The following C20orf144 variants were observed in gnomAD, a reference collection of about 807,000 sequenced individuals.
The protein encoded by C20orf144 is uncharacterized protein C20orf144.
C20orf144 carries 8 observed loss-of-function variants against 3.8 expected under a neutral mutation model. The observed-to-expected ratio is 2.11, with a 90% CI of 1.24 to 3.80. The LOEUF is 3.80. Ranked by LOEUF, C20orf144 falls within the 30% of genes most tolerant of loss-of-function variation. The pLI is 0.00. For synonymous variants in C20orf144, 126 were observed against 104.1 expected (o/e 1.21, Z -1.28); for missense variants, 289 against 224.5 (o/e 1.29, Z -1.83).
Position 33,663,541 on chromosome 20 carries a change from G to C in C20orf144, c.136G>C (p.Val46Leu). 1 of 1,610,168 alleles carries C rather than the reference G, an allele frequency of 6.2e-7. No individual in the cohort carries two copies. The highest frequency in any genetic ancestry group is 8.5e-7 in the Non-Finnish European group (1 of 1,179,478). The change falls in exon 2 of 2, where the codon GTG becomes CTG. Residue 46 changes from valine (V) to leucine (L), a missense_variant. Physicochemically the swap from Val to Leu is conservative, Grantham distance 32. Coordinates refer to ENST00000375222, the MANE Select transcript of C20orf144 (RefSeq NM_080825.4). ...LTRKKPATRI[V>L]LILPLDKRQP... is the part of the protein sequence containing the mutation. ...CCTGTTCCACCCCCAGACCAGGATCGTGCTGATTCTCCCCCTGGACAAGCG... is the reference window on the plus strand; with the variant it reads ...CCTGTTCCACCCCCAGACCAGGATCCTGCTGATTCTCCCCCTGGACAAGCG...
intron 1 of C20orf144, 181 bp from the exon 2 acceptor site, chr20:33,663,351 C>T (rs1184324630): frequency 4.8e-6 from 3 of 625,808 alleles, no homozygotes; most frequent in Admixed American, 3.5e-5. Context: ...GAAGGGCGGG[C>T]TTCCCCGCGG....
chr20:33,662,538 G>A, intron 1 of C20orf144, 67 bp downstream of exon 1: 1 of 1,514,096 alleles, frequency 6.6e-7, no homozygotes, highest in East Asian at 2.5e-5. Context: ...TGGACAAGTG[G>A]GTGGGAAGGG....
chr20:33,662,468 G>C lies in C20orf144; in HGVS notation c.123G>C (p.Pro41=). The part of the protein sequence containing the change: ...SFLNHLTRKK[P]ATRIVLILPL... The stretch of plus-strand genomic sequence containing the variant: ...TCAACCACCTCACTCGGAAGAAGCC[G>C]GCTGTGAGGGCGGGGGATGGGGAGC... The change falls in exon 1 of 2, where the codon CCG becomes CCC. Residue 41 remains proline, a synonymous_variant. Transcript: ENST00000375222. The C allele has an allele frequency of 1.3e-6, 2 of 1,551,572 alleles. No individual in the cohort carries two copies. Among genetic ancestry groups the C allele is most frequent in the Non-Finnish European group, 1.7e-6 (2 of 1,147,346 alleles).
chr20:33,663,617 G>A lies in C20orf144; in HGVS notation c.212G>A (p.Gly71Glu). Residue 71 changes from glycine (G) to glutamate (E), a missense_variant, in exon 2 of 2, where the codon GGG (glycine) becomes GAG (glutamate). Coordinates refer to ENST00000375222, the MANE Select transcript of C20orf144 (RefSeq NM_080825.4). ...CGGATTGACTACGCGTCCGGCGCTG[G>A]GCTGGGCTCCCCGGCGGCACCCAGA... Reference protein sequence around the residue: ...GQRIDYASGAGLGSPAAPRLR... With the variant: ...GQRIDYASGAELGSPAAPRLR... The A allele has an allele frequency of 1.2e-6, 2 of 1,610,274 alleles. No individual in the cohort carries two copies. Among genetic ancestry groups the A allele is most frequent in the Admixed American group, 1.7e-5 (1 of 59,968 alleles).
At chr20:33,662,665 C>T (rs1601157958) in intron 1 of C20orf144, 194 bp downstream of exon 1, 2 of 635,398 alleles carry the variant, frequency 3.1e-6, no homozygotes, top group African/African-American at 1.8e-5. Flanking sequence ...GGGGTCCTTT[C>T]AAGGTGGCTC....
At position 33,663,657 on chromosome 20, in the gene C20orf144, C is replaced by G. The variant is rs758981545; in HGVS notation, c.252C>G (p.Gly84=). The G allele has an allele frequency of 3.1e-5, 50 of 1,588,502 alleles. No individual in the cohort carries two copies. The highest frequency in any genetic ancestry group is 4.3e-5 in the Non-Finnish European group (50 of 1,173,732). Residue 84 remains glycine (G), a synonymous_variant, in exon 2 of 2, where the codon GGC becomes GGG. Coordinates refer to ENST00000375222, the MANE Select transcript of C20orf144 (RefSeq NM_080825.4). Reference sequence around the variant, plus strand: ...CGGCACCCAGATTGCGCGGAGCGGGCGAAGGTAGCGAGCGCGAGCCGAGGA... The same window carrying G: ...CGGCACCCAGATTGCGCGGAGCGGGGGAAGGTAGCGAGCGCGAGCCGAGGA... ...SPAAPRLRGA[G]EGSEREPRMP... is the part of the protein sequence containing the mutation.
In C20orf144 at chr20:33,663,664, A is replaced by C. The variant is rs1568896306; in HGVS notation, c.259A>C (p.Ser87Arg). ...CAGATTGCGCGGAGCGGGCGAAGGTAGCGAGCGCGAGCCGAGGATGCCGGT... is the reference window on the plus strand; with the variant it reads ...CAGATTGCGCGGAGCGGGCGAAGGTCGCGAGCGCGAGCCGAGGATGCCGGT... Reference protein sequence around the residue: ...APRLRGAGEGSEREPRMPVLL... With the variant: ...APRLRGAGEGREREPRMPVLL... Residue 87 changes from serine (S) to arginine (R), a missense_variant, in exon 2 of 2, where the codon AGC becomes CGC. Transcript: ENST00000375222. The C allele has an allele frequency of 6.3e-7, 1 of 1,574,924 alleles. No individual in the cohort carries two copies. The highest frequency in any genetic ancestry group is 8.6e-7 in the Non-Finnish European group (1 of 1,168,770).
chr20:33,663,406 T>TGACAGGACCCGGGTGGAC (rs11273422), intron 1 of C20orf144, 126 bp from the exon 2 acceptor site: 12 of 1,039,378 alleles, frequency 1.2e-5, no homozygotes, highest in East Asian at 2.8e-5. Context: ...CACGAGAGGA[T>TGACAGGACCCGGGTGGAC]GACAGGACCC....
At position 33,663,689 on chromosome 20, in the gene C20orf144, T is replaced by C. The variant is rs2017559885; in HGVS notation, c.284T>C (p.Val95Ala). 2 of 1,581,098 alleles carry C rather than the reference T, an allele frequency of 1.3e-6. No individual in the cohort carries two copies. The highest frequency in any genetic ancestry group is 1.7e-6 in the Non-Finnish European group (2 of 1,170,006). ...AGCGAGCGCGAGCCGAGGATGCCGGTACTGCTGCTGCTGCGGCGGCAAGAG... is the reference window on the plus strand; with the variant it reads ...AGCGAGCGCGAGCCGAGGATGCCGGCACTGCTGCTGCTGCGGCGGCAAGAG... ...EGSEREPRMP[V>A]LLLLRRQEAR... The change falls in exon 2 of 2, where the codon GTA becomes GCA. Residue 95 changes from valine to alanine, a missense_variant. Physicochemically the swap from Val to Ala is moderately conservative, Grantham distance 64. Coordinates refer to ENST00000375222, the MANE Select transcript of C20orf144 (RefSeq NM_080825.4).
Position 33,662,357 on chromosome 20 carries a change from T to C in C20orf144, c.12T>C (p.Tyr4=), listed in dbSNP as rs759359211. Residue 4 remains tyrosine (Y), a synonymous_variant, in exon 1 of 2, where the codon TAT becomes TAC. Coordinates refer to ENST00000375222, the MANE Select transcript of C20orf144 (RefSeq NM_080825.4). Reference sequence around the variant, plus strand: ...TGACCAGCCCTGCCATGGGAAACTATAGTTCCCACAAAAGGACCAAAGCAC... The same window carrying C: ...TGACCAGCCCTGCCATGGGAAACTACAGTTCCCACAAAAGGACCAAAGCAC... MGN[Y]SSHKRTKAPK... is the part of the protein sequence containing the mutation. 7.7e-6 allele frequency: 12 copies of C among 1,551,250 alleles called. No homozygotes were observed. The South Asian group carries it at 8.3e-5, about 11-fold the overall frequency.
rs1345225118 is a variant in C20orf144, at chr20:33,663,900, G to A, written c.*33G>A. 1 of 1,368,710 alleles carries A rather than the reference G, an allele frequency of 7.3e-7. No homozygotes were observed. Among genetic ancestry groups the A allele is most frequent in the Non-Finnish European group, 9.4e-7 (1 of 1,067,450 alleles). The allele number at this position is 1,368,710 out of a possible 1,614,324, so 84.8% of individuals were successfully genotyped here. On this transcript the variant is annotated 3_prime_UTR_variant, in exon 2 of 2. Coordinates refer to ENST00000375222, the MANE Select transcript of C20orf144 (RefSeq NM_080825.4). ...GCCCGGACCCCGCCCAATAAAGAGT[G>A]CGTGGCAACCCTGGCGCCTGCGAAC...
Position 33,662,555 on chromosome 20 carries a change from G to A in C20orf144, c.126+84G>A. 4 of 1,456,398 alleles carry A rather than the reference G, an allele frequency of 2.7e-6. No individual in the cohort carries two copies. In the African/African-American group the frequency reaches 4.2e-5, roughly 15 times the overall value. 90.2% of individuals were successfully genotyped at this position (1,456,398 alleles called of 1,614,324 possible). On this transcript the variant is annotated intron_variant, in intron 1 of 1. Transcript: ENST00000375222. Reference sequence around the variant, plus strand: ...GACAAGTGGGTGGGAAGGGATGCTGGGAGTCTAGGCCTTGTATGCAGAAGT... The same window carrying A: ...GACAAGTGGGTGGGAAGGGATGCTGAGAGTCTAGGCCTTGTATGCAGAAGT...
rs2017565013 is a variant in C20orf144, at chr20:33,663,734, G to A, written c.329G>A (p.Gly110Asp). ...RRQEARRPEE[G>D]GARAALSWPR... Reference sequence around the variant, plus strand: ...CAAGAGGCGCGGCGGCCGGAAGAGGGCGGGGCCAGGGCAGCTCTGAGCTGG... The same window carrying A: ...CAAGAGGCGCGGCGGCCGGAAGAGGACGGGGCCAGGGCAGCTCTGAGCTGG... The change falls in exon 2 of 2, where the codon GGC becomes GAC. Residue 110 changes from glycine (G) to aspartate (D), a missense_variant. Physicochemically the swap from Gly to Asp is moderately conservative, Grantham distance 94 (BLOSUM62 -1). Coordinates refer to ENST00000375222, the MANE Select transcript of C20orf144 (RefSeq NM_080825.4). The A allele has an allele frequency of 1.3e-6, 2 of 1,530,014 alleles. No individual in the cohort carries two copies. Among genetic ancestry groups the A allele is most frequent in the African/African-American group, 1.4e-5 (1 of 71,912 alleles). 94.8% of individuals were successfully genotyped at this position (1,530,014 alleles called of 1,614,324 possible).
At chr20:33,663,510 C>T in intron 1 of C20orf144, 22 bp from the exon 2 acceptor site, 5 of 1,601,374 alleles carry the variant, frequency 3.1e-6, no homozygotes, top group Non-Finnish European at 4.2e-6. Context: ...TCTCCCGCCT[C>T]ACGCCCCTGT....
intron 1 of C20orf144, 51 bp downstream of exon 1, chr20:33,662,522 G>A: frequency 6.5e-7 from 1 of 1,540,140 alleles, no homozygotes; most frequent in African/African-American, 1.4e-5. Flanking sequence ...GGGGGGCAGA[G>A]AAAGCTGGAC....
In C20orf144 at chr20:33,662,584, AG is replaced by A. The variant is rs1427574747; in HGVS notation, c.126+118del. On this transcript the variant is annotated intron_variant, in intron 1 of 1. Coordinates refer to ENST00000375222, the MANE Select transcript of C20orf144 (RefSeq NM_080825.4). ...TCTAGGCCTTGTATGCAGAAGTCCT[AG>A]GGGGTGAGGGAGGAATTCGAAAATC... The A allele has an allele frequency of 3.2e-6, 4 of 1,241,512 alleles. No individual in the cohort carries two copies. In the East Asian group the frequency reaches 7.7e-5, roughly 24 times the overall value. The allele number at this position is 1,241,512 out of a possible 1,614,324, so 76.9% of individuals were successfully genotyped here.
intron 1 of C20orf144, chr20:33,662,895 A>G (rs2122479018): frequency 5.4e-6 from 1 of 185,760 alleles, no homozygotes; most frequent in African/African-American, 2.4e-5. Flanking sequence ...TGACAGCACC[A>G]CTGCTCCAGC....
Position 33,663,664 on chromosome 20 carries a change from AGCGAGC to A in C20orf144, c.266_271del (p.Arg89_Glu90del), listed in dbSNP as rs1455628948. The A allele has an allele frequency of 1.4e-5, 22 of 1,574,816 alleles. No homozygotes were observed. The Middle Eastern group carries it at 5.6e-4, about 40-fold the overall frequency. On this transcript the variant is annotated inframe_deletion, in exon 2 of 2. Transcript: ENST00000375222. ...CAGATTGCGCGGAGCGGGCGAAGGT[AGCGAGC>A]GCGAGCCGAGGATGCCGGTACTGCT... is the stretch of plus-strand genomic sequence containing the variant.
rs746633278 is a variant in C20orf144 at position 33,663,641 on chromosome 20, G to A, written c.236G>A (p.Arg79Lys). Residue 79 changes from arginine to lysine, a missense_variant, in exon 2 of 2, where the codon AGA (arginine) becomes AAA (lysine). Coordinates refer to ENST00000375222, the MANE Select transcript of C20orf144 (RefSeq NM_080825.4). ...GAGLGSPAAP[R>K]LRGAGEGSER... Reference sequence around the variant, plus strand: ...GGGCTGGGCTCCCCGGCGGCACCCAGATTGCGCGGAGCGGGCGAAGGTAGC... The same window carrying A: ...GGGCTGGGCTCCCCGGCGGCACCCAAATTGCGCGGAGCGGGCGAAGGTAGC... The A allele has an allele frequency of 1.2e-6, 2 of 1,605,756 alleles. No homozygotes were observed. Among genetic ancestry groups the A allele is most frequent in the South Asian group, 1.1e-5 (1 of 90,776 alleles).
Sources: gnomAD v4.1 joint callset for allele counts on GRCh38, gnomAD v4.1.1 for gene constraint, MANE v1.5 for transcripts, NCBI Gene and HGNC (gene_info 2026-07-23, HGNC 2026-07-21) for gene names.